The following FCHSD2 variants were observed in gnomAD, a reference collection of about 807,000 sequenced individuals.
FCHSD2 encodes F-BAR and double SH3 domains protein 2.
FCHSD2 carries 38 observed loss-of-function variants against 108.1 expected under a neutral mutation model. The observed-to-expected ratio is 0.35, with a 90% CI of 0.27 to 0.46. The LOEUF (loss-of-function observed/expected upper bound fraction) is 0.46. FCHSD2 is among the 20% of genes least tolerant of loss of function. The pLI, the probability that FCHSD2 is intolerant of heterozygous loss-of-function variation, is 1.00. For missense variants in FCHSD2, 751 were observed against 897.8 expected, an observed-to-expected ratio of 0.84 and a Z score of 2.09; for synonymous variants, 279 against 314.7, an observed-to-expected ratio of 0.89 and a Z score of 1.20.
chr11:73,020,631 T>A (rs7117220), intron 3 of FCHSD2, among the ~76,000 whole-genome samples: 1,653 of 152,198 alleles, frequency 0.011, 23 homozygotes, highest in African/African-American at 0.038. Context: ...AGTTTTAAAA[T>A]ATTCTTCATT....
At chr11:73,096,987 A>AATTTTTTTTTTTTTTTT (rs1860095700) in intron 2 of FCHSD2, among the ~76,000 whole-genome samples, 4 of 27,020 alleles carry the variant, frequency 1.5e-4, no homozygotes, top group African/African-American at 7.9e-4. Context: ...TCATTGATGG[A>AATTTTTTTTTTTTTTTT]TTTTTTTTTT....
intron 2 of FCHSD2, among the ~76,000 whole-genome samples, chr11:73,115,079 G>T (rs570646905): frequency 6.6e-6 from 1 of 152,218 alleles, no homozygotes; most frequent in South Asian, 2.1e-4. Flanking sequence ...GTGGCAAGGC[G>T]TGCTGAAATT....
intron 2 of FCHSD2, among the ~76,000 whole-genome samples, chr11:73,100,304 G>A (rs1341785185): frequency 6.6e-6 from 1 of 152,032 alleles, no homozygotes; most frequent in African/African-American, 2.4e-5. Context: ...GCCTTAAAAG[G>A]AAGGCACTGA....
chr11:73,068,980 A>C lies in FCHSD2; in HGVS notation c.165+14715T>G, dbSNP rs566779153. On this transcript the variant is annotated intron_variant, in intron 3 of 19. Transcript: ENST00000409418. ...CAGTGAGTCATGACTTCGCCACTGC[A>C]CTCTAGCCTGATGACAGAGCAAAAC... Among the ~76,000 whole-genome samples, 35 of 151,440 alleles carry C rather than the reference A, an allele frequency of 2.3e-4. No individual in the cohort carries two copies. The South Asian group carries it at 6.9e-3, about 30-fold the overall frequency.
chr11:72,855,013 C>T (rs531539287), intron 13 of FCHSD2, among the ~76,000 whole-genome samples: 1 of 152,280 alleles, frequency 6.6e-6, no homozygotes, highest in Admixed American at 6.5e-5. Context: ...GTGGCTCACA[C>T]CTGTAATCCC....
intron 8 of FCHSD2, chr11:72,941,045 C>T: frequency 5.8e-6 from 4 of 691,484 alleles, no homozygotes; most frequent in Admixed American, 4.0e-5. Flanking sequence ...TTCCACCATG[C>T]TATTGGTGGT....
intron 2 of FCHSD2, among the ~76,000 whole-genome samples, chr11:73,089,759 T>G (rs968447924): frequency 5.3e-5 from 8 of 152,104 alleles, no homozygotes; most frequent in Non-Finnish European, 8.8e-5. Context: ...AAAAGTAAAT[T>G]AGTGGTTGCC....
chr11:72,910,334 C>T (rs1855736282), intron 9 of FCHSD2, among the ~76,000 whole-genome samples: 1 of 152,186 alleles, frequency 6.6e-6, no homozygotes. Context: ...TCCGAAGAGA[C>T]AGCGACCATC....
intron 3 of FCHSD2, among the ~76,000 whole-genome samples, chr11:73,022,420 C>A: frequency 6.6e-6 from 1 of 152,162 alleles, no homozygotes. Context: ...AGCAAAGTTG[C>A]ACAATACAAC....
chr11:73,000,164 T>A (rs1857598801), intron 5 of FCHSD2, among the ~76,000 whole-genome samples: 1 of 152,200 alleles, frequency 6.6e-6, no homozygotes, highest in Non-Finnish European at 1.5e-5. Flanking sequence ...GAAAGGTGTT[T>A]GTAAAAATGT....
intron 12 of FCHSD2, among the ~76,000 whole-genome samples, chr11:72,882,043 G>A (rs1377435287): frequency 6.6e-6 from 1 of 152,176 alleles, no homozygotes; most frequent in African/African-American, 2.4e-5. Context: ...TAGTTGGGAG[G>A]CTGAGGCGGG....
At chr11:73,116,772 A>C (rs897440344) in intron 2 of FCHSD2, among the ~76,000 whole-genome samples, 2 of 152,140 alleles carry the variant, frequency 1.3e-5, no homozygotes, top group Non-Finnish European at 2.9e-5. Flanking sequence ...TCCTGGCCTC[A>C]AGCAATCTCC....
At chr11:73,107,484 C>T (rs1008140886) in intron 2 of FCHSD2, among the ~76,000 whole-genome samples, 3 of 152,246 alleles carry the variant, frequency 2.0e-5, no homozygotes, top group African/African-American at 7.2e-5. Context: ...CAAGCATTTA[C>T]GCTTTGTGTT....
intron 6 of FCHSD2, among the ~76,000 whole-genome samples, chr11:72,987,546 G>A (rs1251113514): frequency 2.0e-5 from 3 of 152,102 alleles, no homozygotes; most frequent in African/African-American, 7.2e-5. Flanking sequence ...AAGATAAAGT[G>A]GCATTCCTTA....
intron 3 of FCHSD2, among the ~76,000 whole-genome samples, chr11:73,029,367 A>C (rs540210590): frequency 6.6e-6 from 1 of 152,296 alleles, no homozygotes; most frequent in African/African-American, 2.4e-5. Flanking sequence ...TTATTTTAGA[A>C]TTCTAGAAGC....
chr11:73,063,859 C>T (rs772695711), intron 3 of FCHSD2, among the ~76,000 whole-genome samples: 3 of 152,140 alleles, frequency 2.0e-5, no homozygotes, highest in Non-Finnish European at 4.4e-5. Flanking sequence ...TAACACCCCA[C>T]TGTCAATATT....
At chr11:72,970,883 T>C (rs1053651864) in intron 8 of FCHSD2, among the ~76,000 whole-genome samples, 3 of 152,146 alleles carry the variant, frequency 2.0e-5, no homozygotes, top group African/African-American at 7.2e-5. Flanking sequence ...AACCACAACA[T>C]TGTGAGAAAG....
At chr11:72,979,861 C>G (rs1857178951) in intron 8 of FCHSD2, among the ~76,000 whole-genome samples, 1 of 152,146 alleles carries the variant, frequency 6.6e-6, no homozygotes, top group Non-Finnish European at 1.5e-5. Context: ...CAGAGGGCAA[C>G]TAGTCCAGAT....
At chr11:73,122,848 CT>C (rs1860765993) in intron 2 of FCHSD2, among the ~76,000 whole-genome samples, 1 of 152,170 alleles carries the variant, frequency 6.6e-6, no homozygotes, top group Non-Finnish European at 1.5e-5. Context: ...GGCTGTTCTA[CT>C]ACATTTACAA....
Sources: allele counts gnomAD v4.1 joint callset (sites outside exome capture counted in the v4.1 genomes callset), GRCh38; gene constraint gnomAD v4.1.1; transcripts MANE v1.5; gene names NCBI Gene and HGNC (gene_info 2026-07-23, HGNC 2026-07-21).